Variants in ACACA observed in about 807,000 individuals in gnomAD.
ACACA encodes acetyl-CoA carboxylase 1.
ACACA carries 103 observed loss-of-function variants against 296.1 expected under a neutral mutation model. The observed-to-expected ratio is 0.35, with a 90% confidence interval of 0.30 to 0.41. ACACA has a LOEUF of 0.41. Ranked by LOEUF, ACACA falls within the 10% of genes least tolerant of loss-of-function variation. ACACA has a pLI of 1.00. For synonymous variants in ACACA, 953 were observed against 1,038.6 expected, an observed-to-expected ratio of 0.92 and a Z score of 1.58; for missense variants, 1,554 against 2,989.7, an observed-to-expected ratio of 0.52 and a Z score of 11.20.
chr17:37,230,853 A>G (rs959852312), intron 25 of ACACA, among the ~76,000 whole-genome samples: 5 of 152,206 alleles, frequency 3.3e-5, no homozygotes, highest in Non-Finnish European at 5.9e-5. Flanking sequence ...TAAAGAGCCA[A>G]CCTGCTGATT....
chr17:37,305,014 C>T (rs2083805486), intron 3 of ACACA, among the ~76,000 whole-genome samples: 1 of 152,174 alleles, frequency 6.6e-6, no homozygotes, highest in Non-Finnish European at 1.5e-5. Flanking sequence ...AACACATTTA[C>T]AGTCGCTACT....
chr17:37,179,890 C>T (rs929662944), intron 40 of ACACA, among the ~76,000 whole-genome samples: 1 of 152,150 alleles, frequency 6.6e-6, no homozygotes, highest in African/African-American at 2.4e-5. Flanking sequence ...TTTTTCATAG[C>T]TATAGGACCA....
At chr17:37,162,212 G>A (rs908156403) in intron 41 of ACACA, among the ~76,000 whole-genome samples, 162 bp from the exon 42 acceptor site, 4 of 152,124 alleles carry the variant, frequency 2.6e-5, no homozygotes, top group African/African-American at 9.7e-5. Flanking sequence ...AGACATTCTA[G>A]TATACTGCTA....
rs146949701 is a variant in ACACA, at chr17:37,381,656, C to A, written c.38+24606G>T. Among the ~76,000 whole-genome samples, 1,276 of 128,108 alleles carry A rather than the reference C, an allele frequency of 1.0e-2. 14 individuals carry two copies. The highest frequency in any genetic ancestry group is 0.014 in the Non-Finnish European group (900 of 63,968). The allele number at this position is 128,108 out of a possible 152,430, so 84.0% of individuals were successfully genotyped here. On this transcript the variant is annotated intron_variant, in intron 1 of 55. Transcript: ENST00000616317. ...TTTTTTTTTTTTTTTGAGACAGAGT[C>A]TCGCTCCGTTGCCCAGGCTGGAGTG... is the stretch of plus-strand genomic sequence containing the variant.
intron 10 of ACACA, among the ~76,000 whole-genome samples, chr17:37,269,844 T>A (rs2081990351): frequency 6.6e-6 from 1 of 151,234 alleles, no homozygotes; most frequent in Non-Finnish European, 1.5e-5. Context: ...GAGGAAACTA[T>A]GAAAAAGAGG....
intron 35 of ACACA, among the ~76,000 whole-genome samples, chr17:37,198,017 C>T (rs775215309): frequency 5.9e-5 from 9 of 152,076 alleles, no homozygotes; most frequent in Non-Finnish European, 8.8e-5. Flanking sequence ...ATTTTCTAGC[C>T]GATTTTGCCT....
rs776998966 is a variant in ACACA at position 37,086,136 on chromosome 17, T to C, written c.*1180A>G. On this transcript the variant is annotated 3_prime_UTR_variant, in exon 56 of 56. Transcript: ENST00000616317. ...AAGGTCATGTGGATTCTGTGTTTCC[T>C]GGAAGCCTCCCTCATCAGGAAGGCC... The C allele has an allele frequency of 9.2e-6, 2 of 217,746 alleles. No homozygotes were observed. Among genetic ancestry groups the C allele is most frequent in the Non-Finnish European group, 1.8e-5 (2 of 111,540 alleles). The allele number at this position is 217,746 out of a possible 1,614,324, so 13.5% of individuals were successfully genotyped here. A position where few individuals can be genotyped will look rare whatever the true frequency, so the allele number is the denominator to read the frequency against.
At chr17:37,191,903 C>T (rs1598125285) in intron 37 of ACACA, among the ~76,000 whole-genome samples, 187 bp downstream of exon 37, 1 of 149,154 alleles carries the variant, frequency 6.7e-6, no homozygotes, top group Middle Eastern at 3.5e-3. Flanking sequence ...AAAAAAAAAG[C>T]CTTTATTATA....
chr17:37,406,558 C>G lies in ACACA; in HGVS notation c.-259G>C, dbSNP rs2051519242. On this transcript the variant is annotated 5_prime_UTR_variant, in exon 1 of 56. Coordinates refer to ENST00000616317, the MANE Select transcript of ACACA (RefSeq NM_198834.3). ...GGGGTGGAGATGGGAACGTTATCCC[C>G]AAACCCAGGCAGTCCCGGCTCGGCC... 1 of 595,896 alleles carries G rather than the reference C, an allele frequency of 1.7e-6. No homozygotes were observed. Among genetic ancestry groups the G allele is most frequent in the Non-Finnish European group, 3.0e-6 (1 of 334,930 alleles). 36.9% of individuals were successfully genotyped at this position (595,896 alleles called of 1,614,324 possible).
intron 10 of ACACA, among the ~76,000 whole-genome samples, chr17:37,266,642 A>C (rs766526858): frequency 1.7e-4 from 26 of 152,114 alleles, no homozygotes; most frequent in Non-Finnish European, 2.8e-4. Flanking sequence ...CGGGATGAGA[A>C]ACAATTCTAT....
chr17:37,278,298 T>C (rs1454336813), intron 5 of ACACA, among the ~76,000 whole-genome samples: 1 of 152,242 alleles, frequency 6.6e-6, no homozygotes, highest in African/African-American at 2.4e-5. Flanking sequence ...AAGGCTGATG[T>C]GTCTGTCAGT....
Position 37,248,625 on chromosome 17 carries a change from G to A in ACACA, c.2131C>T (p.Leu711Phe), listed in dbSNP as rs1420320013. Residue 711 changes from leucine (L) to phenylalanine (F), a missense_variant, in exon 17 of 56, where the codon CTT becomes TTT. Leu to Phe is a conservative substitution (Grantham distance 22, BLOSUM62 0). Transcript: ENST00000616317. Reference protein sequence around the residue: ...HTLLNTVDVELIYEGVKYVLK... With the variant: ...HTLLNTVDVEFIYEGVKYVLK... ...ACATACTTGACTCCCTCATAGATAA[G>A]TTCAACATCTACTGTATTCAGAAGT... The A allele has an allele frequency of 6.2e-7, 1 of 1,611,502 alleles. No individual in the cohort carries two copies. The highest frequency in any genetic ancestry group is 8.5e-7 in the Non-Finnish European group (1 of 1,178,306).
chr17:37,237,070 C>T (rs1277219016), intron 24 of ACACA, among the ~76,000 whole-genome samples: 1 of 152,094 alleles, frequency 6.6e-6, no homozygotes, highest in Non-Finnish European at 1.5e-5. Flanking sequence ...TAACTTTTAT[C>T]ACCAATGTAT....
intron 30 of ACACA, among the ~76,000 whole-genome samples, chr17:37,208,281 A>G (rs1244891828): frequency 6.6e-6 from 1 of 152,246 alleles, no homozygotes; most frequent in Non-Finnish European, 1.5e-5. Flanking sequence ...ATAGGTATAT[A>G]TATGTATGTA....
intron 30 of ACACA, 99 bp from the exon 31 acceptor site, chr17:37,207,899 T>A: frequency 7.0e-7 from 1 of 1,427,510 alleles, no homozygotes; most frequent in Non-Finnish European, 9.9e-7. Flanking sequence ...AACTCTGAAG[T>A]AGGGTCAGGT....
intron 3 of ACACA, among the ~76,000 whole-genome samples, chr17:37,308,949 T>C (rs2146976795): frequency 6.6e-6 from 1 of 152,302 alleles, no homozygotes; most frequent in East Asian, 1.9e-4. Flanking sequence ...CAAAAACTAC[T>C]ACTATTATCT....
intron 10 of ACACA, among the ~76,000 whole-genome samples, chr17:37,268,727 ATCTATC>A (rs2081914923): frequency 3.6e-5 from 4 of 109,664 alleles, no homozygotes; most frequent in African/African-American, 8.2e-5. Context: ...CTATCTATCT[ATCTATC>A]TATCTATCTA....
intron 18 of ACACA, among the ~76,000 whole-genome samples, chr17:37,247,217 A>G (rs2080751986): frequency 6.6e-6 from 1 of 152,224 alleles, no homozygotes; most frequent in Admixed American, 6.5e-5. Flanking sequence ...AATAACAGGT[A>G]CCACCATTTA....
chr17:37,388,819 C>T (rs2050665567), intron 1 of ACACA: 4 of 1,611,150 alleles, frequency 2.5e-6, no homozygotes, highest in Non-Finnish European at 3.4e-6. Context: ...GTATTGAATC[C>T]TTGAACTTGA....
Sources: allele counts gnomAD v4.1 joint callset (sites outside exome capture counted in the v4.1 genomes callset), GRCh38; gene constraint gnomAD v4.1.1; transcripts MANE v1.5; gene names NCBI Gene and HGNC (gene_info 2026-07-23, HGNC 2026-07-21).